CCDC174: variants seen among roughly 807,000 people sequenced by gnomAD.
CCDC174 encodes the protein coiled-coil domain-containing protein 174.
In CCDC174, 37 loss-of-function variants were observed where a neutral mutation model predicts 57.1. That is an observed-to-expected ratio of 0.65 (90% CI 0.50 to 0.85). CCDC174 has a LOEUF of 0.85. Among genes scored for constraint, CCDC174 ranks in the 40% least tolerant of loss-of-function variants. The pLI is 0.00. For synonymous variants in CCDC174, 182 were observed against 190.2 expected (o/e 0.96, Z 0.35); for missense variants, 540 against 574.3 (o/e 0.94, Z 0.61).
rs1257041692 is a variant in CCDC174, at chr3:14,672,111, C to T, written c.*917C>T. The T allele has an allele frequency of 2.0e-5, 3 of 152,472 alleles. No individual in the cohort carries two copies. In the East Asian group the frequency reaches 5.8e-4, roughly 29 times the overall value. The allele number at this position is 152,472 out of a possible 1,614,324, so 9.4% of individuals were successfully genotyped here. A position where few individuals can be genotyped will look rare whatever the true frequency, so the allele number is the denominator to read the frequency against. ...CACCCACCCCATCCTCTACCTGCCA[C>T]ACCTCAGAGGGTTCCTACAGCTGCA... On this transcript the variant is annotated 3_prime_UTR_variant, in exon 11 of 11. Transcript: ENST00000383794.
intron 6 of CCDC174, among the ~76,000 whole-genome samples, chr3:14,666,291 C>T (rs1486587965): frequency 6.6e-6 from 1 of 152,098 alleles, no homozygotes; most frequent in Non-Finnish European, 1.5e-5. Context: ...GGCAAGATTC[C>T]GTCAGGCTAA....
intron 2 of CCDC174, among the ~76,000 whole-genome samples, chr3:14,654,941 T>C (rs1342913645): frequency 6.6e-6 from 1 of 152,262 alleles, no homozygotes; most frequent in Admixed American, 6.5e-5. Context: ...TAATTCTCTG[T>C]AATATGTACA....
Position 14,655,646 on chromosome 3 carries a change from T to G in CCDC174, c.248+17T>G. The G allele has an allele frequency of 1.1e-5, 17 of 1,511,896 alleles. No homozygotes were observed. The highest frequency in any genetic ancestry group is 1.5e-5 in the Non-Finnish European group (17 of 1,101,618). 93.7% of individuals were successfully genotyped at this position (1,511,896 alleles called of 1,614,324 possible). ...CAAAGCAAGGTAAAGTTATAAGCTC[T>G]GGTAAATATAGTTAGCTTTGAGGCT... On this transcript the variant is annotated intron_variant, in intron 3 of 10. Transcript: ENST00000383794.
intron 4 of CCDC174, 137 bp from the exon 5 acceptor site, chr3:14,661,393 A>T: frequency 1.5e-6 from 1 of 669,904 alleles, no homozygotes; most frequent in Non-Finnish European, 2.6e-6. Context: ...GTCTTTGTAA[A>T]CATTTGGGGA....
At chr3:14,663,180 T>A (rs2031209036) in intron 5 of CCDC174, among the ~76,000 whole-genome samples, 1 of 151,848 alleles carries the variant, frequency 6.6e-6, no homozygotes, top group Admixed American at 6.6e-5. Context: ...CAGTTTTTAA[T>A]TTTTTTTGTA....
intron 6 of CCDC174, among the ~76,000 whole-genome samples, chr3:14,666,037 C>CAAAAAA (rs71038422): frequency 9.4e-5 from 8 of 84,802 alleles, no homozygotes; most frequent in East Asian, 3.2e-4. Context: ...GACTCCGTCT[C>CAAAAAA]AAAAAAAAAA....
At chr3:14,658,692 C>T (rs1168953728) in intron 3 of CCDC174, among the ~76,000 whole-genome samples, 179 bp from the exon 4 acceptor site, 2 of 152,172 alleles carry the variant, frequency 1.3e-5, no homozygotes, top group Non-Finnish European at 2.9e-5. Flanking sequence ...CTTGGCAGAG[C>T]AGACATGGGG....
At chr3:14,653,894 T>C (rs181974145) in intron 1 of CCDC174, among the ~76,000 whole-genome samples, 7 of 152,402 alleles carry the variant, frequency 4.6e-5, no homozygotes, top group Non-Finnish European at 8.8e-5. Flanking sequence ...ACTTATGTGC[T>C]ACTTTCTTCC....
Position 14,669,934 on chromosome 3 carries a change from A to T in CCDC174, c.953A>T (p.Asp318Val), listed in dbSNP as rs149348240. 3 of 1,613,684 alleles carry T rather than the reference A, an allele frequency of 1.9e-6. No homozygotes were observed. Among genetic ancestry groups the T allele is most frequent in the African/African-American group, 1.3e-5 (1 of 74,890 alleles). The part of the protein sequence containing the change: ...KEGGTEEENR[D>V]GDVIGPLPPE... ...TGTCTTATTCTTTTACAAAAAATAGATGGAGATGTTATTGGGCCTTTGCCA... is the reference window on the plus strand; with the variant it reads ...TGTCTTATTCTTTTACAAAAAATAGTTGGAGATGTTATTGGGCCTTTGCCA... Residue 318 changes from aspartate (D) to valine (V), a missense_variant and splice_region_variant, in exon 10 of 11, where the codon GAT becomes GTT. Asp to Val is a radical substitution (Grantham distance 152, BLOSUM62 -3). Transcript: ENST00000383794.
rs114749925 is a variant in CCDC174, at chr3:14,653,873, C to G, written c.43-553C>G. Among the ~76,000 whole-genome samples, 170 of 152,366 alleles carry G rather than the reference C, an allele frequency of 1.1e-3. 2 individuals are homozygous for G. Among genetic ancestry groups the G allele is most frequent in the Non-Finnish European group, 1.2e-3 (85 of 68,036 alleles). On this transcript the variant is annotated intron_variant, in intron 1 of 10. Coordinates refer to ENST00000383794, the MANE Select transcript of CCDC174 (RefSeq NM_016474.5). ...ATCACTCTGCTCAGAAGGAAATGCT[C>G]TGTTATCTGAACTTATGTGCTACTT...
chr3:14,667,062 C>A, intron 7 of CCDC174, 115 bp downstream of exon 7: 1 of 896,642 alleles, frequency 1.1e-6, no homozygotes, highest in Non-Finnish European at 1.7e-6. Context: ...AAAGATCCTG[C>A]TTTGGAAATA....
chr3:14,671,233 G>A lies in CCDC174; in HGVS notation c.*39G>A, dbSNP rs780678066. 2 of 1,553,098 alleles carry A rather than the reference G, an allele frequency of 1.3e-6. No homozygotes were observed. The highest frequency in any genetic ancestry group is 1.8e-6 in the Non-Finnish European group (2 of 1,140,594). ...GCTGACTTGGGTTTGTACTTTGACA[G>A]TGCCTTTCTCTCCCAGAGGGAGAAA... On this transcript the variant is annotated 3_prime_UTR_variant, in exon 11 of 11. Coordinates refer to ENST00000383794, the MANE Select transcript of CCDC174 (RefSeq NM_016474.5).
intron 1 of CCDC174, 49 bp from the exon 2 acceptor site, chr3:14,654,377 T>A: frequency 1.1e-6 from 1 of 928,264 alleles, no homozygotes; most frequent in South Asian, 1.5e-5. Flanking sequence ...AGCAATCCAG[T>A]CACCTGCAGG....
intron 2 of CCDC174, 96 bp downstream of exon 2, chr3:14,654,626 A>T (rs1030427881): frequency 1.2e-5 from 7 of 576,838 alleles, no homozygotes; most frequent in Non-Finnish European, 2.1e-5. Flanking sequence ...ATCTGTACAC[A>T]TAAATGTTAA....
chr3:14,666,804 G>A lies in CCDC174; in HGVS notation c.582-1G>A. On this transcript the variant is annotated splice_acceptor_variant, in intron 6 of 10. Transcript: ENST00000383794. LOFTEE classifies it high-confidence loss of function. ...TAGTTTTTGCTCTGTTTTCCTGCTA[G>A]TTTTATTAGTCCTGCTAATGAAAAA... 1 of 1,574,992 alleles carries A rather than the reference G, an allele frequency of 6.3e-7. No individual in the cohort carries two copies.
At position 14,661,642 on chromosome 3, in the gene CCDC174, G is replaced by GGAC; in HGVS notation, c.426_428dup (p.Asp143dup). Reference sequence around the variant, plus strand: ...GAGATTCTCAAAAGGCAGGAGAAAGGGACGACGATGAGGAAAACCTTCCTG... The same window carrying GGAC: ...GAGATTCTCAAAAGGCAGGAGAAAGGGACGACGACGATGAGGAAAACCTTCCTG... On this transcript the variant is annotated inframe_insertion, in exon 5 of 11. Transcript: ENST00000383794. 6.2e-7 allele frequency: 1 copy of GGAC among 1,614,196 alleles called. No individual in the cohort carries two copies. The highest frequency in any genetic ancestry group is 1.1e-5 in the South Asian group (1 of 91,086).
intron 9 of CCDC174, among the ~76,000 whole-genome samples, chr3:14,668,479 G>A (rs1277295811): frequency 6.6e-6 from 1 of 152,018 alleles, no homozygotes; most frequent in Non-Finnish European, 1.5e-5. Context: ...GTTTAGCTTT[G>A]CATATATATG....
intron 4 of CCDC174, among the ~76,000 whole-genome samples, chr3:14,659,396 T>A (rs1383697226): frequency 6.6e-6 from 1 of 152,220 alleles, no homozygotes; most frequent in African/African-American, 2.4e-5. Flanking sequence ...TTATAATTGC[T>A]TTAAATCTGT....
Position 14,670,897 on chromosome 3 carries a change from A to T in CCDC174, c.1107A>T (p.Glu369Asp). 1 of 1,590,912 alleles carries T rather than the reference A, an allele frequency of 6.3e-7. No homozygotes were observed. Among genetic ancestry groups the T allele is most frequent in the East Asian group, 2.2e-5 (1 of 44,504 alleles). The change falls in exon 11 of 11, where the codon GAA becomes GAT. Residue 369 changes from glutamate to aspartate, a missense_variant and splice_region_variant. Physicochemically the swap from Glu to Asp is conservative, Grantham distance 45. Coordinates refer to ENST00000383794, the MANE Select transcript of CCDC174 (RefSeq NM_016474.5). ...PHIREWDRGK[E>D]FSFGYWSKRQ... is the part of the protein sequence containing the mutation. ...AACTTTCTTTCTTATTTTTACCAGAATTTTCCTTTGGATACTGGTCGAAGA... is the reference window on the plus strand; with the variant it reads ...AACTTTCTTTCTTATTTTTACCAGATTTTTCCTTTGGATACTGGTCGAAGA...
Sources: gnomAD v4.1 joint callset for allele counts (sites outside exome capture counted in the v4.1 genomes callset) on GRCh38, gnomAD v4.1.1 for gene constraint, MANE v1.5 for transcripts, NCBI Gene and HGNC (gene_info 2026-07-23, HGNC 2026-07-21) for gene names.